Variants in RUNX1T1 observed in about 807,000 individuals in gnomAD.
RUNX1T1 encodes the protein RUNX1 partner transcriptional co-repressor 1, also known as protein CBFA2T1.
In RUNX1T1, 4 loss-of-function variants were observed where a neutral mutation model predicts 62.8. That is an observed-to-expected ratio of 0.06 (90% CI 0.03 to 0.15). The LOEUF is 0.15. Ranked by LOEUF, RUNX1T1 falls within the 10% of genes least tolerant of loss-of-function variation. The probability of loss-of-function intolerance (pLI) is 1.00; values close to 1 mark genes in which losing one functional copy is unlikely to be tolerated. For synonymous variants in RUNX1T1, 291 were observed against 286.0 expected (o/e 1.02, Z -0.18); for missense variants, 508 against 754.3 (o/e 0.67, Z 3.82).
intron 10 of RUNX1T1, among the ~76,000 whole-genome samples, chr8:91,963,381 A>T (rs978318086): frequency 2.6e-5 from 4 of 152,250 alleles, no homozygotes; most frequent in African/African-American, 9.6e-5. Flanking sequence ...TTCTCTTGAC[A>T]TTGCATTGCA....
intron 1 of RUNX1T1, among the ~76,000 whole-genome samples, 185 bp from the exon 2 acceptor site, chr8:92,076,322 T>C (rs1010131430): frequency 1.3e-5 from 2 of 152,248 alleles, no homozygotes; most frequent in African/African-American, 4.8e-5. Context: ...GTTCCTATCA[T>C]GATGTTTTCT....
At chr8:91,996,198 T>A (rs1023527514) in intron 5 of RUNX1T1, among the ~76,000 whole-genome samples, 4 of 152,144 alleles carry the variant, frequency 2.6e-5, no homozygotes, top group African/African-American at 9.7e-5. Context: ...TTATTTTTTT[T>A]ATTTTTATTT....
rs140781238 is a variant in RUNX1T1, at chr8:91,962,215, T to C, written c.1459-1698A>G. 3.1e-3 allele frequency among the ~76,000 whole-genome samples: 477 copies of C among 152,364 alleles called. 4 individuals carry two copies. The highest frequency in any genetic ancestry group is 0.011 in the African/African-American group (454 of 41,586). On this transcript the variant is annotated intron_variant, in intron 10 of 10. Coordinates refer to ENST00000396218, the Ensembl canonical transcript of RUNX1T1. ...GAAAGAGCCCAGCTCCACGTTCTTA[T>C]TTCTTTAACCATCAGACATTGCTAT...
At chr8:91,964,785 A>G (rs1375708102) in intron 10 of RUNX1T1, among the ~76,000 whole-genome samples, 1 of 152,186 alleles carries the variant, frequency 6.6e-6, no homozygotes, top group Non-Finnish European at 1.5e-5. Flanking sequence ...AAAAATGGAC[A>G]GAAATTGAAC....
At chr8:92,059,115 C>CA (rs1416768565) in intron 1 of RUNX1T1, among the ~76,000 whole-genome samples, 1 of 152,164 alleles carries the variant, frequency 6.6e-6, no homozygotes, top group Non-Finnish European at 1.5e-5. Context: ...ATTTCTGCTA[C>CA]AAAAAAGTAA....
intron 2 of RUNX1T1, among the ~76,000 whole-genome samples, chr8:92,071,730 C>A (rs983141792): frequency 6.6e-6 from 1 of 152,136 alleles, no homozygotes; most frequent in African/African-American, 2.4e-5. Context: ...TTCACACACT[C>A]CCAGCCTGAC....
intron 2 of RUNX1T1, among the ~76,000 whole-genome samples, chr8:92,072,308 A>G (rs1189126514): frequency 6.6e-6 from 1 of 152,232 alleles, no homozygotes; most frequent in Non-Finnish European, 1.5e-5. Context: ...AATACCATCT[A>G]TGATCTGGTT....
At chr8:91,996,358 C>A (rs1004616085) in intron 5 of RUNX1T1, among the ~76,000 whole-genome samples, 3 of 152,098 alleles carry the variant, frequency 2.0e-5, no homozygotes, top group African/African-American at 7.2e-5. Flanking sequence ...CCCGCCACCA[C>A]GCCTGGCTAA....
chr8:92,077,624 T>C (rs1834620893), intron 1 of RUNX1T1, among the ~76,000 whole-genome samples: 1 of 152,128 alleles, frequency 6.6e-6, no homozygotes, highest in South Asian at 2.1e-4. Flanking sequence ...AGAAAATGTA[T>C]ACTCTTCTTA....
At chr8:92,013,409 G>T (rs1822362824) in intron 3 of RUNX1T1, among the ~76,000 whole-genome samples, 1 of 152,214 alleles carries the variant, frequency 6.6e-6, no homozygotes, top group Admixed American at 6.5e-5. Context: ...GTGGGATATA[G>T]TGATTTGAAG....
exon 1 of RUNX1T1, chr8:92,062,796 T>G: frequency 6.8e-7 from 1 of 1,478,890 alleles, no homozygotes; most frequent in Non-Finnish European, 9.0e-7. Flanking sequence ...CATGTGGCCT[T>G]GAACCCAGCC....
rs962900940 is a variant in RUNX1T1 at position 92,019,476 on chromosome 8, AGAG to A, written c.8-2116_8-2114del. Among the ~76,000 whole-genome samples, 625 of 152,164 alleles carry A rather than the reference AGAG, an allele frequency of 4.1e-3. 3 individuals carry two copies. The highest frequency in any genetic ancestry group is 0.014 in the African/African-American group (587 of 41,518). ...AAATAAAGCAATAGGAGGAAAAAGA[AGAG>A]GAGGAAAAAGAACAAAATAGAGAGA... On this transcript the variant is annotated intron_variant, in intron 1 of 10. Transcript: ENST00000396218.
intron 1 of RUNX1T1, among the ~76,000 whole-genome samples, chr8:92,027,069 T>G: frequency 7.1e-6 from 1 of 140,318 alleles, no homozygotes; most frequent in Non-Finnish European, 1.5e-5. Context: ...TGAGTCGAGA[T>G]CGCGCCACTG....
chr8:92,099,446 T>G (rs1385570201), intron 1 of RUNX1T1: 1 of 168,462 alleles, frequency 5.9e-6, no homozygotes, highest in Non-Finnish European at 1.2e-5. Flanking sequence ...CAGAGCTCAC[T>G]TCTCCCTGCT....
intron 1 of RUNX1T1, among the ~76,000 whole-genome samples, chr8:92,038,455 G>T (rs1350486406): frequency 6.6e-6 from 1 of 152,088 alleles, no homozygotes; most frequent in Non-Finnish European, 1.5e-5. Flanking sequence ...ACAAAGGGAG[G>T]GTGAATAGTT....
chr8:92,062,566 G>A (rs374248540), exon 1 of RUNX1T1: 31 of 1,613,872 alleles, frequency 1.9e-5, no homozygotes, highest in Non-Finnish European at 2.4e-5. Flanking sequence ...TGAATCCAGC[G>A]TACCACACAG....
At chr8:92,083,473 A>G (rs1272967639) in intron 1 of RUNX1T1, among the ~76,000 whole-genome samples, 1 of 152,228 alleles carries the variant, frequency 6.6e-6, no homozygotes, top group Non-Finnish European at 1.5e-5. Context: ...AGACATTTAT[A>G]CAGACAATGA....
intron 6 of RUNX1T1, 82 bp downstream of exon 7, chr8:91,991,557 G>T: frequency 7.1e-7 from 1 of 1,405,212 alleles, no homozygotes; most frequent in Non-Finnish European, 9.8e-7. Context: ...CAGATTTCAA[G>T]CCTCAAGTTA....
intron 10 of RUNX1T1, among the ~76,000 whole-genome samples, chr8:91,965,328 T>C (rs897866177): frequency 6.6e-6 from 1 of 152,210 alleles, no homozygotes; most frequent in South Asian, 2.1e-4. Context: ...TCTTCCTTAT[T>C]AAATGCCTCT....
Sources: gnomAD v4.1 joint callset for allele counts (sites outside exome capture counted in the v4.1 genomes callset) on GRCh38, gnomAD v4.1.1 for gene constraint, MANE v1.5 for transcripts, NCBI Gene and HGNC (gene_info 2026-07-23, HGNC 2026-07-21) for gene names.